Variants in TDRD10 observed in about 807,000 individuals in gnomAD.
TDRD10 encodes tudor domain containing 10, also known as tudor domain-containing protein 10.
TDRD10 carries 40 observed loss-of-function variants against 48.0 expected under a neutral mutation model. That is an observed-to-expected ratio of 0.83 (90% CI 0.65 to 1.09). The LOEUF is 1.09. TDRD10 is among the 50% of genes least tolerant of loss of function. The pLI, the probability that TDRD10 is intolerant of heterozygous loss-of-function variation, is 0.00. For missense variants in TDRD10, 378 were observed against 434.7 expected (o/e 0.87, Z 1.16); for synonymous variants, 162 against 170.4 (o/e 0.95, Z 0.38).
intron 6 of TDRD10, among the ~76,000 whole-genome samples, chr1:154,528,165 G>GC (rs1694408464): frequency 6.6e-6 from 1 of 151,500 alleles, no homozygotes; most frequent in Non-Finnish European, 1.5e-5. Context: ...GCCAAGGTGA[G>GC]GCCAGAAGTT....
In TDRD10 at chr1:154,547,802, C is replaced by A; in HGVS notation, c.*92C>A. On this transcript the variant is annotated 3_prime_UTR_variant, in exon 13 of 13. Transcript: ENST00000368482. ...CTCGTACCCCTTTCACTCTTGAGGCCTGGGAGGTGAAAAAGGCCAGACTGT... is the reference window on the plus strand; with the variant it reads ...CTCGTACCCCTTTCACTCTTGAGGCATGGGAGGTGAAAAAGGCCAGACTGT... The A allele has an allele frequency of 6.6e-7, 1 of 1,526,092 alleles. No homozygotes were observed. The highest frequency in any genetic ancestry group is 2.2e-5 in the East Asian group (1 of 44,472). 94.5% of individuals were successfully genotyped at this position (1,526,092 alleles called of 1,614,324 possible).
chr1:154,542,556 C>T (rs776551184), intron 7 of TDRD10, among the ~76,000 whole-genome samples, 175 bp from the exon 8 acceptor site: 10 of 152,148 alleles, frequency 6.6e-5, no homozygotes, highest in Non-Finnish European at 8.8e-5. Flanking sequence ...GAATATCATC[C>T]GACTGACCCT....
chr1:154,502,830 C>T lies in TDRD10; in HGVS notation c.-227C>T, dbSNP rs905472964. 1 of 152,388 alleles carries T rather than the reference C, an allele frequency of 6.6e-6. No individual in the cohort carries two copies. Among genetic ancestry groups the T allele is most frequent in the Non-Finnish European group, 1.5e-5 (1 of 68,104 alleles). The allele number at this position is 152,388 out of a possible 1,614,324, so 9.4% of individuals were successfully genotyped here. On this transcript the variant is annotated 5_prime_UTR_variant, in exon 1 of 13. Coordinates refer to ENST00000368482, the MANE Select transcript of TDRD10 (RefSeq NM_182499.4). ...CGGGCGCAGGGACAACGGTCGCCAG[C>T]TCCTGCGCTAGTTCCGTTACTCTTC...
At chr1:154,523,897 C>T (rs1694178939) in intron 6 of TDRD10, among the ~76,000 whole-genome samples, 2 of 152,146 alleles carry the variant, frequency 1.3e-5, no homozygotes, top group African/African-American at 2.4e-5. Flanking sequence ...CTGATCTTTT[C>T]TCCTCCTATG....
In TDRD10 at chr1:154,505,787, C is replaced by A. The variant is rs370308048; in HGVS notation, c.-27-1090C>A. On this transcript the variant is annotated intron_variant, in intron 1 of 12. Transcript: ENST00000368482. ...ATCTGTAAAATGGGAAGATAATACTCACGGAATTGTAGAAAAGTGCCCATA... is the reference window on the plus strand; with the variant it reads ...ATCTGTAAAATGGGAAGATAATACTAACGGAATTGTAGAAAAGTGCCCATA... 2.0e-5 allele frequency among the ~76,000 whole-genome samples: 3 copies of A among 151,950 alleles called. No individual in the cohort carries two copies. The East Asian group carries it at 5.8e-4, about 29-fold the overall frequency.
At chr1:154,543,888 G>GGCGTTGGTCCAGTCGTTCCTTTCCTT (rs918762285) in intron 8 of TDRD10, 75 bp from the exon 9 acceptor site, 28 of 1,582,540 alleles carry the variant, frequency 1.8e-5, no homozygotes, top group African/African-American at 9.5e-5. Context: ...CTGCAGGACA[G>GGCGTTGGTCCAGTCGTTCCTTTCCTT]GCGTTGGTCC....
chr1:154,546,006 C>T (rs1695543983), intron 11 of TDRD10, among the ~76,000 whole-genome samples: 2 of 146,466 alleles, frequency 1.4e-5, no homozygotes, highest in Non-Finnish European at 3.0e-5. Flanking sequence ...AACTCCTGAC[C>T]TCGTGATCCG....
At chr1:154,510,221 A>G (rs547894769) in intron 4 of TDRD10, among the ~76,000 whole-genome samples, 1 of 146,648 alleles carries the variant, frequency 6.8e-6, no homozygotes, top group South Asian at 2.2e-4. Flanking sequence ...CCTAGGCAAC[A>G]TAGCGAGACC....
At chr1:154,529,854 C>T (rs1694515556) in intron 6 of TDRD10, among the ~76,000 whole-genome samples, 1 of 152,068 alleles carries the variant, frequency 6.6e-6, no homozygotes, top group African/African-American at 2.4e-5. Context: ...TTCTTTCTTA[C>T]TTTGTAATGT....
In TDRD10 at chr1:154,527,710, TA is replaced by T. The variant is rs567650649; in HGVS notation, c.369+6234del. On this transcript the variant is annotated intron_variant, in intron 6 of 12. Transcript: ENST00000368482. ...TTGAAAGTTGATGTATAAAGAAAGA[TA>T]AATTCAAGCCAAGAACTGGGAGAAG... is the stretch of plus-strand genomic sequence containing the variant. 5.4e-3 allele frequency among the ~76,000 whole-genome samples: 816 copies of T among 152,260 alleles called. 8 individuals are homozygous for T. The highest frequency in any genetic ancestry group is 8.0e-3 in the Non-Finnish European group (542 of 67,998).
intron 4 of TDRD10, chr1:154,509,966 T>C: frequency 1.5e-6 from 1 of 654,422 alleles, no homozygotes; most frequent in Non-Finnish European, 1.9e-6. Context: ...GGCCATACTG[T>C]CCCACACCAT....
intron 6 of TDRD10, among the ~76,000 whole-genome samples, chr1:154,532,044 C>T (rs1019510005): frequency 5.3e-5 from 8 of 152,238 alleles, no homozygotes; most frequent in African/African-American, 1.7e-4. Context: ...GATCTCGCAC[C>T]GGGGCCACAG....
intron 11 of TDRD10, among the ~76,000 whole-genome samples, chr1:154,546,177 G>A (rs916840422): frequency 4.0e-5 from 6 of 150,626 alleles, no homozygotes; most frequent in Admixed American, 6.6e-5. Flanking sequence ...GGGATCAAGC[G>A]ATTCTCCTGC....
At position 154,502,415 on chromosome 1, in the gene TDRD10, T is replaced by C. The variant is rs1279608770; in HGVS notation, c.-642T>C. 1 of 152,754 alleles carries C rather than the reference T, an allele frequency of 6.5e-6. No homozygotes were observed. Among genetic ancestry groups the C allele is most frequent in the South Asian group, 2.1e-4 (1 of 4,806 alleles). 9.5% of individuals were successfully genotyped at this position (152,754 alleles called of 1,614,324 possible). On this transcript the variant is annotated 5_prime_UTR_variant, in exon 1 of 13. Transcript: ENST00000368482. ...GTATCCCCGGCGCAGCGACAGACGG[T>C]GGACGGACGGCGAGCGGCCCATCAA...
At position 154,544,515 on chromosome 1, in the gene TDRD10, C is replaced by T; in HGVS notation, c.795C>T (p.Asn265=). 1 of 1,613,712 alleles carries T rather than the reference C, an allele frequency of 6.2e-7. No homozygotes were observed. Among genetic ancestry groups the T allele is most frequent in the Non-Finnish European group, 8.5e-7 (1 of 1,179,828 alleles). The change falls in exon 10 of 13, where the codon AAC becomes AAT. Residue 265 remains asparagine (N), a splice_region_variant and synonymous_variant. Coordinates refer to ENST00000368482, the MANE Select transcript of TDRD10 (RefSeq NM_182499.4). ...TGGGGGATTATGGACACGCCTGGAA[C>T]AGGTGTGTGCCTGGGCAGGGGTAGA... ...YHLGDYGHAW[N]RCWVLDRVDT...
chr1:154,547,733 C>T lies in TDRD10; in HGVS notation c.*23C>T, dbSNP rs1217457034. The T allele has an allele frequency of 1.2e-6, 2 of 1,612,688 alleles. No homozygotes were observed. Among genetic ancestry groups the T allele is most frequent in the South Asian group, 1.1e-5 (1 of 91,018 alleles). On this transcript the variant is annotated 3_prime_UTR_variant, in exon 13 of 13. Transcript: ENST00000368482. ...TAACGGGGCTTCCCTCAGCATGTTC[C>T]CTCTCCTGTTTGCCACGGATCCAGA...
intron 11 of TDRD10, among the ~76,000 whole-genome samples, chr1:154,546,367 C>G (rs963650393): frequency 6.9e-6 from 1 of 145,544 alleles, no homozygotes; most frequent in African/African-American, 2.5e-5. Context: ...CCACCGCACC[C>G]GGCCAAAATA....
In TDRD10 at chr1:154,502,819, A is replaced by G. The variant is rs1692866875; in HGVS notation, c.-238A>G. The G allele has an allele frequency of 6.6e-6, 1 of 152,166 alleles. No homozygotes were observed. The highest frequency in any genetic ancestry group is 2.4e-5 in the African/African-American group (1 of 41,434). 9.4% of individuals were successfully genotyped at this position (152,166 alleles called of 1,614,324 possible). ...GGCCCGAGGTCCGGGCGCAGGGACA[A>G]CGGTCGCCAGCTCCTGCGCTAGTTC... On this transcript the variant is annotated 5_prime_UTR_variant, in exon 1 of 13. Coordinates refer to ENST00000368482, the MANE Select transcript of TDRD10 (RefSeq NM_182499.4).
intron 6 of TDRD10, among the ~76,000 whole-genome samples, chr1:154,526,733 G>C (rs559373110): frequency 5.8e-4 from 87 of 150,270 alleles, no homozygotes; most frequent in African/African-American, 2.1e-3. Flanking sequence ...GATTACAGGT[G>C]TGAGCCACTG....
Sources: gnomAD v4.1 joint callset for allele counts (sites outside exome capture counted in the v4.1 genomes callset) on GRCh38, gnomAD v4.1.1 for gene constraint, MANE v1.5 for transcripts, NCBI Gene and HGNC (gene_info 2026-07-23, HGNC 2026-07-21) for gene names.